BANK1: variants seen among roughly 807,000 people sequenced by gnomAD.
BANK1 encodes the protein B-cell scaffold protein with ankyrin repeats.
In BANK1, 95 loss-of-function variants were observed where a neutral mutation model predicts 94.5. The observed-to-expected ratio is 1.00, with a 90% CI of 0.85 to 1.19. BANK1 has a LOEUF of 1.19. Among genes scored for constraint, BANK1 ranks in the 50% most tolerant of loss-of-function variants. The pLI is 0.00. For synonymous variants in BANK1, 334 were observed against 308.4 expected, an observed-to-expected ratio of 1.08 and a Z score of -0.87; for missense variants, 987 against 932.2, an observed-to-expected ratio of 1.06 and a Z score of -0.77.
chr4:101,998,185 A>T (rs1258594157), intron 7 of BANK1, among the ~76,000 whole-genome samples: 2 of 152,168 alleles, frequency 1.3e-5, no homozygotes, highest in Non-Finnish European at 2.9e-5. Flanking sequence ...CCCAGTAGTC[A>T]TTCAGGAGCA....
At chr4:102,003,813 G>GTATATA (rs1490419205) in intron 7 of BANK1, among the ~76,000 whole-genome samples, 1 of 151,162 alleles carries the variant, frequency 6.6e-6, no homozygotes, top group East Asian at 1.9e-4. Flanking sequence ...TATTTCACAT[G>GTATATA]CATATATATA....
intron 7 of BANK1, among the ~76,000 whole-genome samples, chr4:102,014,843 C>T (rs1179707651): frequency 1.3e-5 from 2 of 152,140 alleles, no homozygotes; most frequent in Non-Finnish European, 2.9e-5. Context: ...GTAAAGTTAT[C>T]TACACCAGAA....
intron 5 of BANK1, among the ~76,000 whole-genome samples, chr4:101,893,014 C>T (rs1366162203): frequency 6.6e-6 from 1 of 151,934 alleles, no homozygotes; most frequent in Non-Finnish European, 1.5e-5. Context: ...AAGCATAATA[C>T]TAGGAGTATG....
chr4:101,862,692 T>C (rs1283665040), intron 4 of BANK1, 28 bp downstream of exon 4: 4 of 1,565,832 alleles, frequency 2.6e-6, no homozygotes, highest in East Asian at 2.3e-5. Context: ...TTAATAAGCA[T>C]AAAACATTAT....
intron 1 of BANK1, among the ~76,000 whole-genome samples, chr4:101,819,022 A>AT (rs1726031675): frequency 6.6e-6 from 1 of 152,038 alleles, no homozygotes; most frequent in Admixed American, 6.6e-5. Flanking sequence ...CATTTCTGGC[A>AT]TAAAAAATAC....
At chr4:102,037,838 T>A (rs1292433389) in intron 10 of BANK1, among the ~76,000 whole-genome samples, 1 of 152,194 alleles carries the variant, frequency 6.6e-6, no homozygotes, top group Non-Finnish European at 1.5e-5. Context: ...GTTCCTGTGA[T>A]GGAAGGTATT....
At chr4:101,896,880 A>G (rs922169092) in intron 6 of BANK1, among the ~76,000 whole-genome samples, 4 of 151,976 alleles carry the variant, frequency 2.6e-5, no homozygotes, top group Non-Finnish European at 5.9e-5. Flanking sequence ...ATAATCTTCC[A>G]AAGATAGATA....
At chr4:102,000,585 G>C (rs1334555517) in intron 7 of BANK1, among the ~76,000 whole-genome samples, 1 of 152,112 alleles carries the variant, frequency 6.6e-6, no homozygotes, top group Non-Finnish European at 1.5e-5. Flanking sequence ...GGTATGGATT[G>C]CTTGCAGATT....
intron 7 of BANK1, among the ~76,000 whole-genome samples, chr4:101,961,231 G>T (rs1305215629): frequency 6.6e-6 from 1 of 152,188 alleles, no homozygotes; most frequent in Non-Finnish European, 1.5e-5. Context: ...CAATATTTAA[G>T]GAAGTTTTGA....
intron 7 of BANK1, among the ~76,000 whole-genome samples, chr4:101,993,176 G>A (rs1187803677): frequency 6.6e-6 from 1 of 152,146 alleles, no homozygotes; most frequent in East Asian, 1.9e-4. Flanking sequence ...ACCTGCCTAA[G>A]TGAGTGGCTG....
At position 101,950,063 on chromosome 4, in the gene BANK1, G is replaced by A. The variant is rs200288137; in HGVS notation, c.1206+31874G>A. Among the ~76,000 whole-genome samples the A allele has an allele frequency of 3.4e-4, 43 of 125,006 alleles. No individual in the cohort carries two copies. The East Asian group carries it at 5.7e-3, about 16-fold the overall frequency. The allele number at this position is 125,006 out of a possible 152,430, so 82.0% of individuals were successfully genotyped here. ...TGTGTGTGTGTGTGTGTGTGTGTGC[G>A]CGTGCGCGCGCATGTGCCTACACAA... On this transcript the variant is annotated intron_variant, in intron 7 of 16. Coordinates refer to ENST00000322953, the MANE Select transcript of BANK1 (RefSeq NM_017935.5).
chr4:101,839,586 C>T (rs1726954617), intron 2 of BANK1, among the ~76,000 whole-genome samples: 1 of 152,114 alleles, frequency 6.6e-6, no homozygotes, highest in Non-Finnish European at 1.5e-5. Context: ...ATTTGACTAA[C>T]ATTATGGAAA....
rs981612032 is a variant in BANK1, at chr4:102,032,050, G to C, written c.1900+1785G>C. On this transcript the variant is annotated intron_variant, in intron 10 of 16. Coordinates refer to ENST00000322953, the MANE Select transcript of BANK1 (RefSeq NM_017935.5). The stretch of plus-strand genomic sequence containing the variant: ...TTATAAAGTCAGGGAATGAACTTTT[G>C]CTAGAAATTCTCAGGTTGTCTCTCA... Among the ~76,000 whole-genome samples the C allele has an allele frequency of 3.9e-5, 6 of 152,146 alleles. No individual in the cohort carries two copies. The South Asian group carries it at 8.3e-4, about 21-fold the overall frequency.
chr4:102,055,204 A>T (rs1435798238), intron 11 of BANK1, among the ~76,000 whole-genome samples: 4 of 152,062 alleles, frequency 2.6e-5, no homozygotes, highest in Non-Finnish European at 5.9e-5. Context: ...AATTCAAATA[A>T]GAGAATTTTT....
chr4:101,998,523 T>A (rs1218280526), intron 7 of BANK1, among the ~76,000 whole-genome samples: 1 of 152,138 alleles, frequency 6.6e-6, no homozygotes, highest in Non-Finnish European at 1.5e-5. Flanking sequence ...GTGTTAAATT[T>A]TCCCACTATT....
rs74890902 is a variant in BANK1 at position 101,973,789 on chromosome 4, T to G, written c.1207-47725T>G. Among the ~76,000 whole-genome samples, 878 of 152,174 alleles carry G rather than the reference T, an allele frequency of 5.8e-3. 8 individuals carry two copies. The highest frequency in any genetic ancestry group is 0.02 in the African/African-American group (817 of 41,546). On this transcript the variant is annotated intron_variant, in intron 7 of 16. Coordinates refer to ENST00000322953, the MANE Select transcript of BANK1 (RefSeq NM_017935.5). ...CAAAAGTAATATTATCTTTTGCATA[T>G]AAAACATTTCTACATAGTCTATGAA... is the stretch of plus-strand genomic sequence containing the variant.
intron 6 of BANK1, among the ~76,000 whole-genome samples, chr4:101,906,274 CTTG>C (rs1722445890): frequency 6.6e-6 from 1 of 152,160 alleles, no homozygotes; most frequent in Admixed American, 6.5e-5. Flanking sequence ...TGATTTATAG[CTTG>C]TGGAAATTAT....
At chr4:101,876,823 C>T (rs1351808477) in intron 5 of BANK1, among the ~76,000 whole-genome samples, 1 of 152,000 alleles carries the variant, frequency 6.6e-6, no homozygotes, top group East Asian at 1.9e-4. Flanking sequence ...GTTAAGAATT[C>T]TGTCAGAGAA....
At chr4:101,911,812 G>A (rs1213828011) in intron 6 of BANK1, among the ~76,000 whole-genome samples, 1 of 152,140 alleles carries the variant, frequency 6.6e-6, no homozygotes, top group Non-Finnish European at 1.5e-5. Context: ...TTCTGAATAT[G>A]CTGCACTGAA....
Sources: gnomAD v4.1 joint callset for allele counts (sites outside exome capture counted in the v4.1 genomes callset) on GRCh38, gnomAD v4.1.1 for gene constraint, MANE v1.5 for transcripts, NCBI Gene and HGNC (gene_info 2026-07-23, HGNC 2026-07-21) for gene names.